SLC24A3: variants seen among roughly 807,000 people sequenced by gnomAD.
SLC24A3 encodes the protein sodium/potassium/calcium exchanger 3.
A neutral mutation model predicts 75.8 loss-of-function variants in SLC24A3; 28 were observed. That is an observed-to-expected ratio of 0.37 (90% confidence interval 0.27 to 0.51). The LOEUF (loss-of-function observed/expected upper bound fraction) is 0.51. SLC24A3 is among the 20% of genes least tolerant of loss of function. The pLI, the probability that SLC24A3 is intolerant of heterozygous loss-of-function variation, is 0.94. For synonymous variants in SLC24A3, 372 were observed against 334.1 expected (o/e 1.11, Z -1.24); for missense variants, 663 against 847.8 (o/e 0.78, Z 2.71).
At chr20:19,531,433 AGAG>A (rs1450871599) in intron 3 of SLC24A3, among the ~76,000 whole-genome samples, 2 of 152,252 alleles carry the variant, frequency 1.3e-5, no homozygotes, top group African/African-American at 2.4e-5. Flanking sequence ...TGGGCCATTA[AGAG>A]GAGGAGAACT....
intron 2 of SLC24A3, among the ~76,000 whole-genome samples, chr20:19,375,025 A>G (rs1462726621): frequency 6.6e-6 from 1 of 152,184 alleles, no homozygotes; most frequent in Non-Finnish European, 1.5e-5. Flanking sequence ...AGGTACACCC[A>G]GGGATAACTG....
At chr20:19,232,629 C>T (rs756877909) in intron 1 of SLC24A3, among the ~76,000 whole-genome samples, 1 of 152,208 alleles carries the variant, frequency 6.6e-6, no homozygotes, top group Admixed American at 6.5e-5. Context: ...CGTAGTAGTC[C>T]AGTAGCCTGC....
chr20:19,330,274 C>G (rs974243122), intron 2 of SLC24A3, among the ~76,000 whole-genome samples: 3 of 152,292 alleles, frequency 2.0e-5, no homozygotes, highest in East Asian at 1.9e-4. Flanking sequence ...GCTGGTTTCT[C>G]TTTGTCCCAG....
At chr20:19,342,705 C>T (rs1466332380) in intron 2 of SLC24A3, among the ~76,000 whole-genome samples, 1 of 152,162 alleles carries the variant, frequency 6.6e-6, no homozygotes, top group East Asian at 1.9e-4. Flanking sequence ...AATGCCAATT[C>T]TTCCAGATGA....
At chr20:19,449,852 T>C (rs1987451356) in intron 2 of SLC24A3, among the ~76,000 whole-genome samples, 1 of 152,242 alleles carries the variant, frequency 6.6e-6, no homozygotes, top group Non-Finnish European at 1.5e-5. Flanking sequence ...TCATTCCAGA[T>C]ACGCTTTATC....
intron 2 of SLC24A3, among the ~76,000 whole-genome samples, chr20:19,360,424 G>A (rs745423774): frequency 5.3e-5 from 8 of 152,214 alleles, no homozygotes; most frequent in East Asian, 1.9e-4. Context: ...ACATGTGGAT[G>A]TCACATCAAC....
rs914589517 is a variant in SLC24A3, at chr20:19,212,829, C to T, written c.-14C>T. The T allele has an allele frequency of 2.0e-6, 2 of 994,318 alleles. No individual in the cohort carries two copies. Among genetic ancestry groups the T allele is most frequent in the Non-Finnish European group, 2.4e-6 (2 of 837,298 alleles). The allele number at this position is 994,318 out of a possible 1,614,324, so 61.6% of individuals were successfully genotyped here. On this transcript the variant is annotated 5_prime_UTR_variant, in exon 1 of 17. Coordinates refer to ENST00000328041, the MANE Select transcript of SLC24A3 (RefSeq NM_020689.4). ...GGCCGCCGCCCGCCGAGGCCGCCGC[C>T]CGGCCGCCCGAGGATGCGGCCGTCC...
At chr20:19,598,636 A>G (rs1304976102) in intron 6 of SLC24A3, among the ~76,000 whole-genome samples, 2 of 152,174 alleles carry the variant, frequency 1.3e-5, no homozygotes, top group Non-Finnish European at 2.9e-5. Context: ...CAGTTGGGGC[A>G]TGGAAAATTA....
chr20:19,255,652 C>T (rs185129326), intron 1 of SLC24A3, among the ~76,000 whole-genome samples: 1 of 152,298 alleles, frequency 6.6e-6, no homozygotes, highest in Admixed American at 6.5e-5. Flanking sequence ...AAGAGGTGGA[C>T]TAGATCTGTG....
chr20:19,247,402 T>A (rs1483191905), intron 1 of SLC24A3, among the ~76,000 whole-genome samples: 1 of 152,230 alleles, frequency 6.6e-6, no homozygotes, highest in Non-Finnish European at 1.5e-5. Flanking sequence ...TAAATCCTAT[T>A]TCTGAAATGT....
intron 1 of SLC24A3, among the ~76,000 whole-genome samples, chr20:19,232,341 G>T (rs1206879515): frequency 6.6e-6 from 1 of 152,040 alleles, no homozygotes; most frequent in African/African-American, 2.4e-5. Context: ...TAAGAGAGAT[G>T]GTTATCACAA....
intron 2 of SLC24A3, among the ~76,000 whole-genome samples, chr20:19,463,199 T>C (rs1055376286): frequency 6.6e-6 from 1 of 152,252 alleles, no homozygotes; most frequent in African/African-American, 2.4e-5. Flanking sequence ...ACTTCTCTTA[T>C]GAGGCACTCA....
intron 2 of SLC24A3, among the ~76,000 whole-genome samples, chr20:19,465,381 A>ATTTT (rs5840845): frequency 7.0e-5 from 10 of 143,068 alleles, no homozygotes; most frequent in Non-Finnish European, 6.1e-5. Context: ...GGGCTGGAGA[A>ATTTT]TTTTTTTTTT....
chr20:19,240,311 G>T (rs1315955190), intron 1 of SLC24A3, among the ~76,000 whole-genome samples: 2 of 152,140 alleles, frequency 1.3e-5, no homozygotes, highest in Non-Finnish European at 2.9e-5. Flanking sequence ...TGAGGTTCCT[G>T]TTGCTTTGAA....
intron 15 of SLC24A3, among the ~76,000 whole-genome samples, chr20:19,714,829 G>A (rs1311704771): frequency 6.6e-6 from 1 of 152,202 alleles, no homozygotes; most frequent in Non-Finnish European, 1.5e-5. Context: ...TGGTTTAACA[G>A]GATTCCTTTT....
At chr20:19,318,048 C>G (rs1984623509) in intron 2 of SLC24A3, among the ~76,000 whole-genome samples, 1 of 152,202 alleles carries the variant, frequency 6.6e-6, no homozygotes, top group African/African-American at 2.4e-5. Context: ...GAATTAACGA[C>G]CTCTGGAGCA....
intron 5 of SLC24A3, 140 bp downstream of exon 5, chr20:19,585,195 C>G: frequency 1.3e-6 from 1 of 787,718 alleles, no homozygotes; most frequent in South Asian, 1.8e-5. Flanking sequence ...AGAACATCAG[C>G]CTCCCATCTG....
At chr20:19,652,738 A>G (rs576715343) in intron 6 of SLC24A3, among the ~76,000 whole-genome samples, 2 of 152,064 alleles carry the variant, frequency 1.3e-5, no homozygotes, top group African/African-American at 4.8e-5. Context: ...CATCCAGAAA[A>G]CCTCTAGTTT....
intron 2 of SLC24A3, among the ~76,000 whole-genome samples, chr20:19,405,533 A>G (rs1419817959): frequency 6.6e-6 from 1 of 152,232 alleles, no homozygotes; most frequent in Non-Finnish European, 1.5e-5. Flanking sequence ...GGCCACATGT[A>G]TGGAAGCCAA....
Sources: gnomAD v4.1 joint callset for allele counts (sites outside exome capture counted in the v4.1 genomes callset) on GRCh38, gnomAD v4.1.1 for gene constraint, MANE v1.5 for transcripts, NCBI Gene and HGNC (gene_info 2026-07-23, HGNC 2026-07-21) for gene names.